Variants in MGST1 observed in about 807,000 individuals in gnomAD.
MGST1 encodes microsomal glutathione S-transferase 1, also known as glutathione S-transferase 12.
In MGST1, 5 loss-of-function variants were observed where a neutral mutation model predicts 8.9. The ratio of observed to expected loss-of-function variants is 0.56; its 90% confidence interval spans 0.29 to 1.19. The LOEUF (loss-of-function observed/expected upper bound fraction) is 1.19, where lower values mean the gene tolerates loss of function less well. MGST1 is among the 50% of genes most tolerant of loss of function. The pLI is 0.08. For missense variants in MGST1, 182 were observed against 187.4 expected, an observed-to-expected ratio of 0.97 and a Z score of 0.17; for synonymous variants, 54 against 67.8, an observed-to-expected ratio of 0.80 and a Z score of 1.00.
In MGST1 at chr12:16,589,431, T is replaced by C. The variant is rs962333049; in HGVS notation, n.483-97T>C. The stretch of plus-strand genomic sequence containing the variant: ...TACTTGTGACTTCACAGTAAAAAAT[T>C]AGGTCGTAGTGCAGATGAAAGCCTC... On this transcript the variant is annotated intron_variant and non_coding_transcript_variant, in intron 4 of 4. Coordinates refer to the MGST1 transcript ENST00000538857. This position sits in a 1 kb window ranked among gnomAD's most constrained non-coding sequence, Gnocchi z 4.2. 3 of 152,048 alleles carry C rather than the reference T, an allele frequency of 2.0e-5. No individual in the cohort carries two copies. Among genetic ancestry groups the C allele is most frequent in the African/African-American group, 7.2e-5 (3 of 41,414 alleles). The allele number at this position is 152,048 out of a possible 1,614,324, so 9.4% of individuals were successfully genotyped here.
At chr12:16,435,867 T>C (rs1048873719) in intron 1 of MGST1, among the ~76,000 whole-genome samples, 5 of 152,000 alleles carry the variant, frequency 3.3e-5, no homozygotes, top group Non-Finnish European at 5.9e-5. Flanking sequence ...GATACTACTC[T>C]AGGGGTATTT....
At chr12:16,427,541 C>G (rs746589202) in intron 1 of MGST1, among the ~76,000 whole-genome samples, 4 of 152,012 alleles carry the variant, frequency 2.6e-5, no homozygotes, top group Non-Finnish European at 5.9e-5. Context: ...GCTACCATGC[C>G]CAGCTAATTT....
chr12:16,556,325 C>T (rs994295083), intron 4 of MGST1, among the ~76,000 whole-genome samples: 2 of 152,110 alleles, frequency 1.3e-5, no homozygotes, highest in South Asian at 4.1e-4. Flanking sequence ...AAATAACCCT[C>T]CTGCGGTACC....
In MGST1 at chr12:16,548,412, TAAA is replaced by T. The variant is rs892770695; in HGVS notation, n.483-41112_483-41110del. On this transcript the variant is annotated intron_variant and non_coding_transcript_variant, in intron 4 of 4. Coordinates refer to the MGST1 transcript ENST00000538857. This position sits in a 1 kb window ranked among gnomAD's most constrained non-coding sequence, Gnocchi z 4.2. ...TTTATTAAAAACATAAATCCAAATGTAAAAAAGTGAATGAAAGAATCCAGCAGA... is the reference window on the plus strand; with the variant it reads ...TTTATTAAAAACATAAATCCAAATGTAAAGTGAATGAAAGAATCCAGCAGA... The T allele has an allele frequency of 2.0e-5, 3 of 152,000 alleles. No individual in the cohort carries two copies. Among genetic ancestry groups the T allele is most frequent in the Non-Finnish European group, 4.4e-5 (3 of 67,992 alleles). The allele number at this position is 152,000 out of a possible 1,614,324, so 9.4% of individuals were successfully genotyped here.
chr12:16,560,387 T>A lies in MGST1; in HGVS notation n.483-29141T>A, dbSNP rs780429015. On this transcript the variant is annotated intron_variant and non_coding_transcript_variant, in intron 4 of 4. Coordinates refer to the MGST1 transcript ENST00000538857. The surrounding 1 kb of genome is among the most constrained non-coding windows in gnomAD (Gnocchi z 5.0). ...CAGCACAGAGAGGTTAACCATTTCT[T>A]AGAGACCAAAAAGAGACCTGCTTAC... 3 of 1,606,488 alleles carry A rather than the reference T, an allele frequency of 1.9e-6. No homozygotes were observed. The South Asian group carries it at 3.4e-5, about 18-fold the overall frequency.
chr12:16,428,068 T>A (rs987859390), intron 1 of MGST1, among the ~76,000 whole-genome samples: 2 of 151,892 alleles, frequency 1.3e-5, no homozygotes, highest in African/African-American at 4.8e-5. Context: ...TAACCTTTTT[T>A]AAAAAAATTA....
intron 1 of MGST1, among the ~76,000 whole-genome samples, chr12:16,427,216 A>C (rs1329983481): frequency 2.0e-5 from 3 of 152,136 alleles, no homozygotes; most frequent in African/African-American, 4.8e-5. Flanking sequence ...CTCAAGGAAA[A>C]TGTCCAAGTG....
At chr12:16,378,331 T>A (rs1381966155), downstream of MGST1, among the ~76,000 whole-genome samples, 1 of 151,890 alleles carries the variant, frequency 6.6e-6, no homozygotes, top group South Asian at 2.1e-4. Context: ...GTATAAGGTG[T>A]AAGGAAGGGA....
intron 1 of MGST1, among the ~76,000 whole-genome samples, chr12:16,435,799 A>T (rs943043324): frequency 1.3e-5 from 2 of 151,960 alleles, no homozygotes; most frequent in African/African-American, 4.8e-5. Context: ...TGTGTTGTTT[A>T]TTATCTTATA....
intron 4 of MGST1, among the ~76,000 whole-genome samples, chr12:16,487,853 C>T (rs1488110305): frequency 6.6e-6 from 1 of 152,128 alleles, no homozygotes; most frequent in Non-Finnish European, 1.5e-5. Context: ...TGGGGTCTCA[C>T]TATGTTGCCC....
At chr12:16,501,823 C>A (rs2137168811) in intron 4 of MGST1, among the ~76,000 whole-genome samples, 2 of 152,106 alleles carry the variant, frequency 1.3e-5, no homozygotes. Context: ...TTACTGGTTG[C>A]CCAAATACTC....
intron 4 of MGST1, among the ~76,000 whole-genome samples, chr12:16,489,930 C>CA (rs1565463711): frequency 6.6e-6 from 1 of 151,854 alleles, no homozygotes; most frequent in Admixed American, 6.6e-5. Flanking sequence ...TTACTTTGGT[C>CA]AAAAAAATGT....
Position 16,584,590 on chromosome 12 carries a change from G to A in MGST1, n.483-4938G>A, listed in dbSNP as rs377260965. On this transcript the variant is annotated intron_variant and non_coding_transcript_variant, in intron 4 of 4. Transcript: ENST00000538857. This position sits in a 1 kb window ranked among gnomAD's most constrained non-coding sequence, Gnocchi z 5.2. ...AACATTGGCAAGTGGAGGAGTGGGG[G>A]GGGTAAGAGGCCTGTTTAGAGGTGG... is the stretch of plus-strand genomic sequence containing the variant. Among the ~76,000 whole-genome samples, 12 of 152,086 alleles carry A rather than the reference G, an allele frequency of 7.9e-5. No individual in the cohort carries two copies. The highest frequency in any genetic ancestry group is 1.6e-4 in the Non-Finnish European group (11 of 68,024).
chr12:16,483,124 A>G (rs1019874192), intron 4 of MGST1, among the ~76,000 whole-genome samples: 97 of 152,360 alleles, frequency 6.4e-4, no homozygotes, highest in African/African-American at 2.3e-3. Context: ...ATAAGCAGGC[A>G]CAGCCTGCTA....
chr12:16,350,648 G>A (rs1449815500), intron 1 of MGST1: 5 of 152,010 alleles, frequency 3.3e-5, no homozygotes, highest in African/African-American at 9.7e-5. Flanking sequence ...TCAGCTTTGG[G>A]GGAAAAAAAG....
intron 1 of MGST1, among the ~76,000 whole-genome samples, chr12:16,387,793 T>A (rs952652393): frequency 6.6e-6 from 1 of 152,156 alleles, no homozygotes; most frequent in Non-Finnish European, 1.5e-5. Context: ...CCTGAAGTGC[T>A]GGATTACAGG....
At chr12:16,481,669 C>G (rs545831583) in intron 4 of MGST1, among the ~76,000 whole-genome samples, 1 of 151,858 alleles carries the variant, frequency 6.6e-6, no homozygotes, top group Admixed American at 6.6e-5. Context: ...ATAATCTAGA[C>G]GGTAGATCTA....
rs985939764 is a variant in MGST1 at position 16,458,438 on chromosome 12, C to T, written n.482+74834C>T. Among the ~76,000 whole-genome samples the T allele has an allele frequency of 6.6e-6, 1 of 151,960 alleles. No homozygotes were observed. The highest frequency in any genetic ancestry group is 2.4e-5 in the African/African-American group (1 of 41,402). The stretch of plus-strand genomic sequence containing the variant: ...CTCCAAACTAAATTGTACTCTGAAG[C>T]CCTTGCTGGATTCCTGCAAGAATCA... On this transcript the variant is annotated intron_variant and non_coding_transcript_variant, in intron 4 of 4. Coordinates refer to the MGST1 transcript ENST00000538857. This position sits in a 1 kb window ranked among gnomAD's most constrained non-coding sequence, Gnocchi z 4.0.
At chr12:16,385,283 A>G (rs1181755337) in intron 1 of MGST1, among the ~76,000 whole-genome samples, 1 of 152,216 alleles carries the variant, frequency 6.6e-6, no homozygotes, top group Admixed American at 6.5e-5. Flanking sequence ...CTGCAATATG[A>G]ATTCTGCTGC....
Sources: gnomAD v4.1 joint callset for allele counts (sites outside exome capture counted in the v4.1 genomes callset) on GRCh38, gnomAD v4.1.1 for gene constraint, Gnocchi (gnomAD v3.1) non-coding constraint, MANE v1.5 for transcripts, NCBI Gene and HGNC (gene_info 2026-07-23, HGNC 2026-07-21) for gene names.